ABI3BP: variants seen among roughly 807,000 people sequenced by gnomAD.
ABI3BP encodes target of Nesh-SH3.
ABI3BP carries 216 observed loss-of-function variants against 268.6 expected under a neutral mutation model. That is an observed-to-expected ratio of 0.80 (90% CI 0.72 to 0.90). The LOEUF is 0.90. Among genes scored for constraint, ABI3BP ranks in the 40% least tolerant of loss-of-function variants. The pLI, the probability that ABI3BP is intolerant of heterozygous loss-of-function variation, is 0.00. For missense variants in ABI3BP, 2,090 were observed against 2,182.4 expected, an observed-to-expected ratio of 0.96 and a Z score of 0.84; for synonymous variants, 730 against 730.0, an observed-to-expected ratio of 1.00 and a Z score of 0.00.
At chr3:100,972,843 G>A (rs2084312647) in intron 1 of ABI3BP, among the ~76,000 whole-genome samples, 1 of 152,122 alleles carries the variant, frequency 6.6e-6, no homozygotes, top group African/African-American at 2.4e-5. Context: ...ATTAACATTG[G>A]TTTTTAATCC....
intron 1 of ABI3BP, among the ~76,000 whole-genome samples, chr3:100,948,413 T>C (rs2073475241): frequency 6.6e-6 from 1 of 152,230 alleles, no homozygotes; most frequent in Non-Finnish European, 1.5e-5. Flanking sequence ...AACTAGATTA[T>C]AGTTTAAATG....
At position 100,970,129 on chromosome 3, in the gene ABI3BP, T is replaced by C. The variant is rs149287252; in HGVS notation, c.79+23177A>G. ...CTAGATGGCCTGTTTGGGTCTCTGT[T>C]ATATTGTTAAAAAAGAAAGGGCACT... On this transcript the variant is annotated intron_variant, in intron 1 of 67. Transcript: ENST00000471714. Among the ~76,000 whole-genome samples the C allele has an allele frequency of 2.4e-3, 358 of 152,272 alleles. 1 individual carries two copies. Among genetic ancestry groups the C allele is most frequent in the African/African-American group, 8.0e-3 (334 of 41,550 alleles).
chr3:100,835,541 T>C, intron 28 of ABI3BP, 60 bp downstream of exon 28: 1 of 1,295,804 alleles, frequency 7.7e-7, no homozygotes, highest in Non-Finnish European at 1.1e-6. Flanking sequence ...CAAATAGTGA[T>C]GGAATAGACT....
chr3:100,906,155 G>A (rs903734832), intron 2 of ABI3BP, among the ~76,000 whole-genome samples: 3 of 152,150 alleles, frequency 2.0e-5, no homozygotes, highest in African/African-American at 7.2e-5. Flanking sequence ...GATTAATTAT[G>A]CCTAATGCCT....
chr3:100,821,300 A>C lies in ABI3BP; in HGVS notation c.2888-187T>G, dbSNP rs551222244. ...AAATTTGACTATACCTAACTCAGGT[A>C]CCTATTTCCTTATTCCTCATTCTCT... On this transcript the variant is annotated intron_variant, in intron 38 of 67. Transcript: ENST00000471714. Among the ~76,000 whole-genome samples the C allele has an allele frequency of 8.5e-5, 13 of 152,338 alleles. No individual in the cohort carries two copies. In the South Asian group the frequency reaches 1.5e-3, roughly 17 times the overall value.
chr3:100,804,728 G>T, intron 51 of ABI3BP, 64 bp downstream of exon 51: 1 of 1,416,936 alleles, frequency 7.1e-7, no homozygotes, highest in Non-Finnish European at 1.0e-6. Flanking sequence ...CAAGTCTCAT[G>T]TTTCACTGAA....
intron 8 of ABI3BP, 100 bp from the exon 9 acceptor site, chr3:100,875,033 A>G: frequency 1.7e-6 from 1 of 605,060 alleles, no homozygotes; most frequent in Non-Finnish European, 2.8e-6. Context: ...GAAGCATAGC[A>G]CTTATTTTGC....
At chr3:100,952,483 T>C (rs1280032400) in intron 1 of ABI3BP, 1 of 152,208 alleles carries the variant, frequency 6.6e-6, no homozygotes, top group African/African-American at 2.4e-5. Context: ...TCTTTTGTAC[T>C]AGAGAAAAAT....
intron 4 of ABI3BP, among the ~76,000 whole-genome samples, chr3:100,890,639 C>T (rs73864024): frequency 0.041 from 6,228 of 152,190 alleles, 453 homozygotes; most frequent in African/African-American, 0.14. Context: ...TCTGTCTTCT[C>T]CCACTTTCTT....
intron 61 of ABI3BP, among the ~76,000 whole-genome samples, chr3:100,773,077 C>CAAAAAAAA (rs563600769): frequency 1.7e-5 from 1 of 58,096 alleles, no homozygotes. Flanking sequence ...GAGTCCATCT[C>CAAAAAAAA]AAAAAAAAAA....
At chr3:100,772,163 A>C (rs1489748375) in intron 61 of ABI3BP, among the ~76,000 whole-genome samples, 1 of 152,248 alleles carries the variant, frequency 6.6e-6, no homozygotes, top group Admixed American at 6.5e-5. Flanking sequence ...AAAATACCTT[A>C]AAAGCAAAAC....
rs2095199045 is a variant in ABI3BP, at chr3:100,749,380, GA to G, written c.*1114del. On this transcript the variant is annotated 3_prime_UTR_variant, in exon 68 of 68. Coordinates refer to ENST00000471714, the MANE Select transcript of ABI3BP (RefSeq NM_001375547.2). ...TTTATTGCAGAATTTATACTTGTTT[GA>G]AAAATACAAAATGTAGCGTTGATAA... 3.2e-6 allele frequency: 1 copy of G among 308,568 alleles called. No individual in the cohort carries two copies. The highest frequency in any genetic ancestry group is 2.4e-5 in the African/African-American group (1 of 42,040). The allele number at this position is 308,568 out of a possible 1,614,324, so 19.1% of individuals were successfully genotyped here. A position where few individuals can be genotyped will look rare whatever the true frequency, so the allele number is the denominator to read the frequency against.
intron 1 of ABI3BP, among the ~76,000 whole-genome samples, chr3:100,933,196 G>T (rs1369665074): frequency 6.6e-6 from 1 of 151,806 alleles, no homozygotes; most frequent in Non-Finnish European, 1.5e-5. Context: ...TTTCAATGTG[G>T]CAGACACTAA....
intron 7 of ABI3BP, 136 bp from the exon 8 acceptor site, chr3:100,875,715 C>A: frequency 1.5e-6 from 1 of 649,712 alleles, no homozygotes; most frequent in Admixed American, 2.4e-5. Context: ...AGTGGCCTGG[C>A]TATATAGCCA....
At chr3:100,958,623 AAAC>A (rs10552116) in intron 1 of ABI3BP, among the ~76,000 whole-genome samples, 131,745 of 152,078 alleles carry the variant, frequency 0.87, 57,173 homozygotes, top group East Asian at 1. Flanking sequence ...GAAAGAAAAC[AAAC>A]AACCACCAAA....
chr3:100,939,434 A>G (rs182534605), intron 1 of ABI3BP, among the ~76,000 whole-genome samples: 1 of 152,156 alleles, frequency 6.6e-6, no homozygotes, highest in East Asian at 1.9e-4. Context: ...AGCCAGCTTG[A>G]AAAATAAAGG....
chr3:100,765,993 G>T, intron 62 of ABI3BP, 44 bp from the exon 63 acceptor site: 1 of 1,449,306 alleles, frequency 6.9e-7, no homozygotes, highest in African/African-American at 1.4e-5. Context: ...TTTATTTCTT[G>T]GCTGACTTAA....
At chr3:100,882,460 A>ATATAT (rs1554053818) in intron 6 of ABI3BP, among the ~76,000 whole-genome samples, 3 of 148,650 alleles carry the variant, frequency 2.0e-5, no homozygotes, top group African/African-American at 7.4e-5. Context: ...ATATATATAT[A>ATATAT]TTTTTTTTGC....
At chr3:100,756,472 A>T (rs2095622496) in intron 63 of ABI3BP, among the ~76,000 whole-genome samples, 1 of 152,242 alleles carries the variant, frequency 6.6e-6, no homozygotes, top group African/African-American at 2.4e-5. Flanking sequence ...AATCACACAC[A>T]CATGGGGTAT....
Sources: allele counts gnomAD v4.1 joint callset (sites outside exome capture counted in the v4.1 genomes callset), GRCh38; gene constraint gnomAD v4.1.1; transcripts MANE v1.5; gene names NCBI Gene and HGNC (gene_info 2026-07-23, HGNC 2026-07-21).